The following CDH18 variants were observed in gnomAD, a reference collection of about 807,000 sequenced individuals.
The protein encoded by CDH18 is cadherin-18.
A neutral mutation model predicts 67.9 loss-of-function variants in CDH18; 31 were observed. The observed-to-expected ratio is 0.46, with a 90% confidence interval of 0.34 to 0.62. CDH18 has a LOEUF of 0.62. Ranked by LOEUF, CDH18 falls within the 20% of genes least tolerant of loss-of-function variation. The pLI, the probability that CDH18 is intolerant of heterozygous loss-of-function variation, is 0.01. For synonymous variants in CDH18, 362 were observed against 347.2 expected, an observed-to-expected ratio of 1.04 and a Z score of -0.48; for missense variants, 890 against 975.5, an observed-to-expected ratio of 0.91 and a Z score of 1.17.
intron 1 of CDH18, among the ~76,000 whole-genome samples, chr5:20,326,344 T>G (rs1738575343): frequency 6.6e-6 from 1 of 152,104 alleles, no homozygotes; most frequent in Admixed American, 6.5e-5. Context: ...CATTTATCAT[T>G]TAAAAATTAT....
intron 1 of CDH18, among the ~76,000 whole-genome samples, chr5:20,437,341 T>C (rs935160446): frequency 2.0e-5 from 3 of 151,472 alleles, no homozygotes; most frequent in Admixed American, 6.6e-5. Context: ...ACTCTTGCTT[T>C]AAAAAAGTAT....
rs80338466 is a variant in CDH18, at chr5:20,502,750, G to C, written c.-580+72712C>G. ...ATTCTTCTGGGAAATGGCTAAAGCAGATCTATGGGACAGGCTTGACAAACT... is the reference window on the plus strand; with the variant it reads ...ATTCTTCTGGGAAATGGCTAAAGCACATCTATGGGACAGGCTTGACAAACT... On this transcript the variant is annotated intron_variant, in intron 1 of 14. Coordinates refer to the CDH18 transcript ENST00000507958. Among the ~76,000 whole-genome samples, 68 of 152,248 alleles carry C rather than the reference G, an allele frequency of 4.5e-4. No individual in the cohort carries two copies. In the East Asian group the frequency reaches 0.011, roughly 24 times the overall value.
chr5:20,546,055 G>A lies in CDH18; in HGVS notation c.-580+29407C>T, dbSNP rs535725497. Among the ~76,000 whole-genome samples the A allele has an allele frequency of 9.2e-5, 14 of 152,140 alleles. No individual in the cohort carries two copies. In the South Asian group the frequency reaches 2.7e-3, roughly 29 times the overall value. ...CTACATCATCTCTCTTAAGTTCAAA[G>A]TTCCACAGATCTCTAGGGTGGGGGC... On this transcript the variant is annotated intron_variant, in intron 1 of 14. Coordinates refer to the CDH18 transcript ENST00000507958.
chr5:19,785,585 C>T (rs539203115), intron 3 of CDH18, among the ~76,000 whole-genome samples: 35 of 136,104 alleles, frequency 2.6e-4, no homozygotes, highest in Non-Finnish European at 4.1e-4. Context: ...ACTCATGAGG[C>T]GGAGGTTGCA....
At chr5:20,573,990 TAAAAAC>T in intron 1 of CDH18, among the ~76,000 whole-genome samples, 1 of 148,846 alleles carries the variant, frequency 6.7e-6, no homozygotes, top group Middle Eastern at 3.6e-3. Context: ...TGACTCAATT[TAAAAAC>T]AAAAACATCA....
At chr5:20,535,020 A>G (rs1026082452) in intron 1 of CDH18, among the ~76,000 whole-genome samples, 1 of 152,110 alleles carries the variant, frequency 6.6e-6, no homozygotes, top group Non-Finnish European at 1.5e-5. Flanking sequence ...TGATAATTAT[A>G]GCACTTTTCT....
intron 2 of CDH18, among the ~76,000 whole-genome samples, chr5:20,041,951 A>C (rs1740462257): frequency 6.6e-6 from 1 of 152,246 alleles, no homozygotes; most frequent in Non-Finnish European, 1.5e-5. Context: ...TACTATTTAA[A>C]AAGGAAAAAT....
chr5:19,494,394 G>A lies in CDH18; in HGVS notation c.1630+8598C>T, dbSNP rs181788399. Among the ~76,000 whole-genome samples the A allele has an allele frequency of 8.3e-4, 126 of 152,244 alleles. 2 individuals carry two copies. In the East Asian group the frequency reaches 0.021, roughly 25 times the overall value. The stretch of plus-strand genomic sequence containing the variant: ...AAAACAGAGATCCCGTAAACATAAG[G>A]AAGTGGCCATAGTTTCACCTATAAT... On this transcript the variant is annotated intron_variant, in intron 11 of 12. Transcript: ENST00000382275.
chr5:20,460,010 A>G (rs1751136223), intron 1 of CDH18, among the ~76,000 whole-genome samples: 2 of 152,158 alleles, frequency 1.3e-5, no homozygotes, highest in South Asian at 4.1e-4. Flanking sequence ...GTCTTGCTTC[A>G]TCATCCAGAC....
chr5:20,018,836 C>T (rs1335548323), intron 2 of CDH18, among the ~76,000 whole-genome samples: 3 of 142,020 alleles, frequency 2.1e-5, no homozygotes, highest in African/African-American at 8.2e-5. Context: ...GCTCTGTCGC[C>T]CAGGCTGGAG....
At chr5:19,535,708 G>A (rs1432706486) in intron 9 of CDH18, among the ~76,000 whole-genome samples, 1 of 152,044 alleles carries the variant, frequency 6.6e-6, no homozygotes, top group East Asian at 1.9e-4. Flanking sequence ...TTGGTTTGTG[G>A]ACTCTTATGT....
chr5:20,372,839 A>AT (rs952659142), intron 1 of CDH18, among the ~76,000 whole-genome samples: 26 of 150,720 alleles, frequency 1.7e-4, no homozygotes, highest in Non-Finnish European at 3.3e-4. Context: ...GATATTTTTT[A>AT]TTTTTTTTTC....
chr5:19,810,096 G>A lies in CDH18; in HGVS notation c.228+28663C>T, dbSNP rs185204801. Among the ~76,000 whole-genome samples, 51 of 152,250 alleles carry A rather than the reference G, an allele frequency of 3.3e-4. 1 individual carries two copies. Among genetic ancestry groups the A allele is most frequent in the Admixed American group, 1.3e-3 (20 of 15,282 alleles). The stretch of plus-strand genomic sequence containing the variant: ...TGTAATCCCAGCACTTTGGGATGCC[G>A]AGGTGAGCGGATCACTTGAGGTCAG... On this transcript the variant is annotated intron_variant, in intron 3 of 12. Transcript: ENST00000382275.
chr5:19,645,793 G>A (rs1164868250), intron 5 of CDH18, among the ~76,000 whole-genome samples: 1 of 152,048 alleles, frequency 6.6e-6, no homozygotes, highest in Non-Finnish European at 1.5e-5. Flanking sequence ...TAATGCCAAC[G>A]CTATCGATGA....
chr5:20,058,816 G>C (rs1355199778), intron 2 of CDH18, among the ~76,000 whole-genome samples: 1 of 152,122 alleles, frequency 6.6e-6, no homozygotes, highest in Non-Finnish European at 1.5e-5. Flanking sequence ...CCAGTTTACA[G>C]TATCATCAAC....
At chr5:19,845,203 A>G (rs1782789709) in intron 2 of CDH18, among the ~76,000 whole-genome samples, 1 of 152,134 alleles carries the variant, frequency 6.6e-6, no homozygotes, top group Admixed American at 6.6e-5. Flanking sequence ...ATAAACATAA[A>G]TGATTCTGTT....
At chr5:19,623,127 C>CG (rs1354138416) in intron 5 of CDH18, among the ~76,000 whole-genome samples, 1 of 152,172 alleles carries the variant, frequency 6.6e-6, no homozygotes, top group Non-Finnish European at 1.5e-5. Context: ...ACAAACATAA[C>CG]TCACAAATGG....
chr5:20,063,535 T>C (rs558368370), intron 2 of CDH18, among the ~76,000 whole-genome samples: 4 of 152,252 alleles, frequency 2.6e-5, no homozygotes, highest in Non-Finnish European at 4.4e-5. Context: ...TTGAGTCACA[T>C]TGGGTATTGA....
In CDH18 at chr5:19,787,698, G is replaced by C. The variant is rs796568766; in HGVS notation, c.229-40462C>G. Reference sequence around the variant, plus strand: ...AGTAAACAAATCAAGCAAGAAGAGAGAGAAACCAAGTACAAAAGCAAAATC... The same window carrying C: ...AGTAAACAAATCAAGCAAGAAGAGACAGAAACCAAGTACAAAAGCAAAATC... On this transcript the variant is annotated intron_variant, in intron 3 of 12. Coordinates refer to ENST00000382275, the MANE Select transcript of CDH18 (RefSeq NM_004934.5). Among the ~76,000 whole-genome samples, 5 of 151,536 alleles carry C rather than the reference G, an allele frequency of 3.3e-5. No individual in the cohort carries two copies. In the South Asian group the frequency reaches 8.3e-4, roughly 25 times the overall value.
Sources: allele counts gnomAD v4.1 joint callset (sites outside exome capture counted in the v4.1 genomes callset), GRCh38; gene constraint gnomAD v4.1.1; transcripts MANE v1.5; gene names NCBI Gene and HGNC (gene_info 2026-07-23, HGNC 2026-07-21).